HSPA14: variants seen among roughly 807,000 people sequenced by gnomAD.
HSPA14 encodes the protein heat shock 70 kDa protein 14.
A neutral mutation model predicts 65.5 loss-of-function variants in HSPA14; 37 were observed. The ratio of observed to expected loss-of-function variants is 0.56; its 90% CI spans 0.43 to 0.74. The LOEUF is 0.74. Among genes scored for constraint, HSPA14 ranks in the 30% least tolerant of loss-of-function variants. The pLI is 0.00. For missense variants in HSPA14, 564 were observed against 607.6 expected (o/e 0.93, Z 0.75); for synonymous variants, 203 against 214.2 (o/e 0.95, Z 0.46).
chr10:14,843,342 CTT>C, intron 3 of HSPA14: 1 of 1,550,410 alleles, frequency 6.4e-7, no homozygotes, highest in South Asian at 1.2e-5. Context: ...GGAATGTTCT[CTT>C]TGCAACATTG....
chr10:14,856,020 G>T, intron 10 of HSPA14, 77 bp downstream of exon 10: 1 of 789,442 alleles, frequency 1.3e-6, no homozygotes, highest in Non-Finnish European at 2.1e-6. Context: ...TCTGGGTACT[G>T]AAAGAATATT....
In HSPA14 at chr10:14,848,898, AT is replaced by A; in HGVS notation, c.376+6del. On this transcript the variant is annotated splice_donor_region_variant and intron_variant, in intron 5 of 13. Coordinates refer to ENST00000378372, the MANE Select transcript of HSPA14 (RefSeq NM_016299.4). ...ACTGATATTTAGTAAAATGAAAGGT[AT>A]TTAGCAAAAGATATATAATAGTTAC... 7.0e-7 allele frequency: 1 copy of A among 1,422,136 alleles called. No homozygotes were observed. Among genetic ancestry groups the A allele is most frequent in the Non-Finnish European group, 9.8e-7 (1 of 1,020,916 alleles). 88.1% of individuals were successfully genotyped at this position (1,422,136 alleles called of 1,614,324 possible).
chr10:14,842,807 A>C lies in HSPA14; in HGVS notation c.221+2650A>C, dbSNP rs527902556. 425 of 1,535,576 alleles carry C rather than the reference A, an allele frequency of 2.8e-4. 5 individuals carry two copies. The South Asian group carries it at 4.8e-3, about 17-fold the overall frequency. ...AATCAGTGACCGGATACGAGAAACC[A>C]GTGACCTTGAGGACTCCTGGGATGA... On this transcript the variant is annotated intron_variant, in intron 3 of 13. Coordinates refer to ENST00000378372, the MANE Select transcript of HSPA14 (RefSeq NM_016299.4). The surrounding 1 kb of genome is among the most constrained non-coding windows in gnomAD (Gnocchi z 5.2).
rs779955618 is a variant in HSPA14 at position 14,852,356 on chromosome 10, A to C, written c.573-14A>C. On this transcript the variant is annotated splice_polypyrimidine_tract_variant and intron_variant, in intron 7 of 13. Coordinates refer to ENST00000378372, the MANE Select transcript of HSPA14 (RefSeq NM_016299.4). ...ATGTTATTCCCTGATAACTTACTTTATCTTCTCTTGAAGCAATATTTTGGT... is the reference window on the plus strand; with the variant it reads ...ATGTTATTCCCTGATAACTTACTTTCTCTTCTCTTGAAGCAATATTTTGGT... 1.0e-5 allele frequency: 16 copies of C among 1,607,746 alleles called. No homozygotes were observed. The highest frequency in any genetic ancestry group is 1.3e-5 in the Non-Finnish European group (15 of 1,175,660).
At chr10:14,839,467 A>T (rs1833940812) in intron 1 of HSPA14, among the ~76,000 whole-genome samples, 1 of 151,726 alleles carries the variant, frequency 6.6e-6, no homozygotes, top group African/African-American at 2.4e-5. Flanking sequence ...CAGGAGGCTG[A>T]GGCATGAGAA....
intron 10 of HSPA14, among the ~76,000 whole-genome samples, chr10:14,861,797 A>G (rs1459506329): frequency 2.0e-5 from 3 of 151,982 alleles, no homozygotes; most frequent in Non-Finnish European, 4.4e-5. Flanking sequence ...GCAGATCACA[A>G]GGTCAAGAGA....
intron 9 of HSPA14, among the ~76,000 whole-genome samples, chr10:14,854,562 A>T (rs537063065): frequency 6.6e-6 from 1 of 152,348 alleles, no homozygotes; most frequent in South Asian, 2.1e-4. Flanking sequence ...TAAAGTACAA[A>T]GGGAGGACGT....
intron 13 of HSPA14, 114 bp downstream of exon 13, chr10:14,870,781 G>GT: frequency 5.8e-6 from 6 of 1,028,074 alleles, no homozygotes; most frequent in Non-Finnish European, 8.0e-6. Flanking sequence ...AAAACCTACA[G>GT]AGGTTTTTAT....
At chr10:14,848,031 TTG>T (rs879839179) in intron 3 of HSPA14, among the ~76,000 whole-genome samples, 1 of 152,230 alleles carries the variant, frequency 6.6e-6, no homozygotes, top group Non-Finnish European at 1.5e-5. Context: ...CACTTAGGTG[TTG>T]TGAGGATAAC....
intron 10 of HSPA14, 44 bp from the exon 11 acceptor site, chr10:14,867,039 A>C (rs369760506): frequency 1.2e-5 from 17 of 1,394,012 alleles, no homozygotes; most frequent in Admixed American, 1.7e-5. Context: ...GAGACACAGC[A>C]TTCTTCTAAA....
rs377585518 is a variant in HSPA14 at position 14,844,199 on chromosome 10, G to A, written c.221+4042G>A. The A allele has an allele frequency of 2.5e-5, 29 of 1,156,126 alleles. No homozygotes were observed. In the East Asian group the frequency reaches 5.5e-4, roughly 22 times the overall value. 71.6% of individuals were successfully genotyped at this position (1,156,126 alleles called of 1,614,324 possible). A position where few individuals can be genotyped will look rare whatever the true frequency, so the allele number is the denominator to read the frequency against. On this transcript the variant is annotated intron_variant, in intron 3 of 13. Transcript: ENST00000378372. The stretch of plus-strand genomic sequence containing the variant: ...CCTCCCTCCAGTGGTTTCCTCATCC[G>A]TAAAATGGGGATCAATAATAACTCC...
Position 14,852,462 on chromosome 10 carries a change from CTGA to C in HSPA14, c.670_672del (p.Asp224del). 3 of 1,613,976 alleles carry C rather than the reference CTGA, an allele frequency of 1.9e-6. No individual in the cohort carries two copies. The highest frequency in any genetic ancestry group is 2.5e-6 in the Non-Finnish European group (3 of 1,179,844). ...ATATATCGGGTTCTTTCAACAAACA[CTGA>C]TGATAACATCGGTGGTGCACATTTC... On this transcript the variant is annotated inframe_deletion, in exon 8 of 14. Coordinates refer to ENST00000378372, the MANE Select transcript of HSPA14 (RefSeq NM_016299.4).
chr10:14,848,044 G>A (rs945019956), intron 3 of HSPA14, among the ~76,000 whole-genome samples: 5 of 152,210 alleles, frequency 3.3e-5, no homozygotes, highest in African/African-American at 4.8e-5. Flanking sequence ...TGAGGATAAC[G>A]TGAGATAATG....
At chr10:14,868,744 GAC>G (rs1832828312) in intron 12 of HSPA14, among the ~76,000 whole-genome samples, 1 of 152,158 alleles carries the variant, frequency 6.6e-6, no homozygotes, top group Non-Finnish European at 1.5e-5. Flanking sequence ...TTTGACTTTT[GAC>G]ACCTTATACT....
intron 2 of HSPA14, 39 bp downstream of exon 2, chr10:14,840,024 A>C: frequency 6.8e-7 from 1 of 1,480,648 alleles, no homozygotes; most frequent in Non-Finnish European, 9.3e-7. Context: ...GAAATAATTT[A>C]AAATTACATA....
chr10:14,856,538 A>G (rs1037039763), intron 10 of HSPA14, among the ~76,000 whole-genome samples: 1 of 152,108 alleles, frequency 6.6e-6, no homozygotes, highest in African/African-American at 2.4e-5. Flanking sequence ...CCCCAAAATT[A>G]TTTCTCTTCA....
At chr10:14,852,740 T>C (rs991391983) in intron 8 of HSPA14, among the ~76,000 whole-genome samples, 1 of 152,202 alleles carries the variant, frequency 6.6e-6, no homozygotes, top group Non-Finnish European at 1.5e-5. Flanking sequence ...TGCAGTGTGC[T>C]TGGATTTTTC....
chr10:14,842,079 G>A lies in HSPA14; in HGVS notation c.221+1922G>A. ...CACAGGTAGCACCACTTAACTTGCT[G>A]CCAAAATTATCCTTACACCCTTCCT... On this transcript the variant is annotated intron_variant, in intron 3 of 13. Transcript: ENST00000378372. The surrounding 1 kb of genome is among the most constrained non-coding windows in gnomAD (Gnocchi z 5.2). 1 of 1,376,190 alleles carries A rather than the reference G, an allele frequency of 7.3e-7. No individual in the cohort carries two copies. The highest frequency in any genetic ancestry group is 9.9e-7 in the Non-Finnish European group (1 of 1,005,886). The allele number at this position is 1,376,190 out of a possible 1,614,324, so 85.2% of individuals were successfully genotyped here.
At chr10:14,846,706 T>A in intron 3 of HSPA14, 1 of 976,540 alleles carries the variant, frequency 1.0e-6, no homozygotes, top group African/African-American at 1.7e-5. Flanking sequence ...GATGAATGTA[T>A]GAGCACTTTC....
Sources: allele counts gnomAD v4.1 joint callset (sites outside exome capture counted in the v4.1 genomes callset), GRCh38; gene constraint gnomAD v4.1.1; non-coding constraint Gnocchi (gnomAD v3.1); transcripts MANE v1.5; gene names NCBI Gene and HGNC (gene_info 2026-07-23, HGNC 2026-07-21).